The following CEP83 variants were observed in gnomAD, a reference collection of about 807,000 sequenced individuals.
CEP83 encodes centrosomal protein of 83 kDa.
In CEP83, 70 loss-of-function variants were observed where a neutral mutation model predicts 101.9. The ratio of observed to expected loss-of-function variants is 0.69; its 90% CI spans 0.57 to 0.84. The LOEUF (loss-of-function observed/expected upper bound fraction) is 0.84, where lower values mean the gene tolerates loss of function less well. Ranked by LOEUF, CEP83 falls within the 40% of genes least tolerant of loss-of-function variation. The pLI is 0.00. For synonymous variants in CEP83, 264 were observed against 267.9 expected (o/e 0.99, Z 0.14); for missense variants, 715 against 787.2 (o/e 0.91, Z 1.10).
At chr12:94,417,530 T>G (rs1021260168) in intron 2 of CEP83, among the ~76,000 whole-genome samples, 5 of 152,156 alleles carry the variant, frequency 3.3e-5, no homozygotes, top group African/African-American at 4.8e-5. Context: ...GGCTTACACC[T>G]GTAATCCCAG....
chr12:94,397,965 G>A (rs757284499), intron 6 of CEP83, among the ~76,000 whole-genome samples: 1 of 152,126 alleles, frequency 6.6e-6, no homozygotes, highest in Non-Finnish European at 1.5e-5. Context: ...GGTCACCTTC[G>A]AATGGGTAAG....
At chr12:94,288,766 C>T in the CEP83 span, among the ~76,000 whole-genome samples, 8 of 152,252 alleles carry the variant, frequency 5.3e-5, no homozygotes, top group Admixed American at 2.6e-4. Flanking sequence ...ACGATACTGA[C>T]GGAGGGAGAG....
chr12:94,370,870 C>T (rs1323879011), intron 8 of CEP83, among the ~76,000 whole-genome samples: 1 of 152,024 alleles, frequency 6.6e-6, no homozygotes, highest in Admixed American at 6.6e-5. Context: ...CCCTTAGTCC[C>T]AGCCACTGGG....
At chr12:94,404,197 A>T (rs1020466365) in intron 4 of CEP83, among the ~76,000 whole-genome samples, 2 of 152,170 alleles carry the variant, frequency 1.3e-5, no homozygotes, top group African/African-American at 4.8e-5. Context: ...ATCTCCCCAT[A>T]AAAACTTCAA....
intron 11 of CEP83, among the ~76,000 whole-genome samples, chr12:94,342,846 G>C (rs2059745134): frequency 6.6e-6 from 1 of 150,656 alleles, no homozygotes; most frequent in Non-Finnish European, 1.5e-5. Context: ...ACTTAAAATA[G>C]AACTGCTATG....
At chr12:94,343,308 G>A (rs1392803315) in intron 11 of CEP83, among the ~76,000 whole-genome samples, 5 of 151,936 alleles carry the variant, frequency 3.3e-5, no homozygotes, top group East Asian at 1.9e-4. Context: ...GGTCAGCACC[G>A]TGAGACTGTC....
chr12:94,271,587 C>A, the CEP83 span, among the ~76,000 whole-genome samples: 1 of 152,206 alleles, frequency 6.6e-6, no homozygotes, highest in African/African-American at 2.4e-5. Context: ...AGCCACTTTA[C>A]TCTGGGCAAG....
the CEP83 span, chr12:94,300,937 C>A: frequency 6.2e-7 from 1 of 1,613,022 alleles, no homozygotes; most frequent in South Asian, 1.1e-5. Context: ...GGGTAAACAT[C>A]CTGAAGAACC....
chr12:94,440,225 T>C lies in CEP83; in HGVS notation c.-154-4898A>G, dbSNP rs546632360. ...AGAAAGAAATCAAGAGCATCCAAAGTGGTAAAGATGAAGTCAAAGTGTTGC... is the reference window on the plus strand; with the variant it reads ...AGAAAGAAATCAAGAGCATCCAAAGCGGTAAAGATGAAGTCAAAGTGTTGC... On this transcript the variant is annotated intron_variant, in intron 1 of 16. Coordinates refer to ENST00000397809, the MANE Select transcript of CEP83 (RefSeq NM_016122.3). 3.3e-5 allele frequency among the ~76,000 whole-genome samples: 5 copies of C among 152,160 alleles called. No individual in the cohort carries two copies. In the South Asian group the frequency reaches 1.0e-3, roughly 32 times the overall value.
chr12:94,294,215 T>C, the CEP83 span, among the ~76,000 whole-genome samples: 10 of 152,204 alleles, frequency 6.6e-5, no homozygotes, highest in African/African-American at 9.7e-5. Flanking sequence ...CACAGGGTCC[T>C]GGCCTCCACC....
intron 14 of CEP83, among the ~76,000 whole-genome samples, chr12:94,324,583 G>A (rs1281409976): frequency 2.6e-5 from 4 of 152,130 alleles, no homozygotes; most frequent in Admixed American, 6.5e-5. Flanking sequence ...TATCAATTTC[G>A]TAATCTTTTT....
chr12:94,276,428 G>T, the CEP83 span, among the ~76,000 whole-genome samples: 9,133 of 151,568 alleles, frequency 0.06, 319 homozygotes, highest in Admixed American at 0.067. Context: ...AGCTAAGCCA[G>T]GGTTTCTGGA....
chr12:94,449,742 C>A (rs557688418), intron 1 of CEP83, among the ~76,000 whole-genome samples: 2 of 126,716 alleles, frequency 1.6e-5, no homozygotes, highest in Admixed American at 9.9e-5. Flanking sequence ...CACTGCACTT[C>A]AGCCTGGGTC....
At chr12:94,372,542 A>C (rs2061352071) in intron 8 of CEP83, among the ~76,000 whole-genome samples, 2 of 152,242 alleles carry the variant, frequency 1.3e-5, no homozygotes, top group Admixed American at 1.3e-4. Context: ...TAAGAATGAC[A>C]CAGCATTTCA....
intron 1 of CEP83, among the ~76,000 whole-genome samples, chr12:94,455,055 A>G (rs187815064): frequency 1.3e-5 from 2 of 152,272 alleles, no homozygotes; most frequent in African/African-American, 2.4e-5. Flanking sequence ...AAGAACTGCA[A>G]CATTCACCAC....
At chr12:94,352,964 G>A (rs1352746608) in intron 11 of CEP83, among the ~76,000 whole-genome samples, 1 of 152,108 alleles carries the variant, frequency 6.6e-6, no homozygotes, top group African/African-American at 2.4e-5. Flanking sequence ...CCAAGTCTTA[G>A]GAGAGAGATG....
At chr12:94,407,014 C>T (rs1187891253) in intron 4 of CEP83, among the ~76,000 whole-genome samples, 1 of 150,698 alleles carries the variant, frequency 6.6e-6, no homozygotes, top group East Asian at 1.9e-4. Context: ...GAATTAATGG[C>T]AGGTTAGATA....
At chr12:94,296,635 C>T in the CEP83 span, among the ~76,000 whole-genome samples, 3 of 152,206 alleles carry the variant, frequency 2.0e-5, no homozygotes, top group Non-Finnish European at 2.9e-5. Flanking sequence ...TACCTTTGGA[C>T]CTTCCTGCAA....
chr12:94,284,967 C>T, the CEP83 span, among the ~76,000 whole-genome samples: 1 of 152,158 alleles, frequency 6.6e-6, no homozygotes, highest in Non-Finnish European at 1.5e-5. Flanking sequence ...CTGTGGATTT[C>T]TGGTGAGGAT....
Sources: allele counts gnomAD v4.1 joint callset (sites outside exome capture counted in the v4.1 genomes callset), GRCh38; gene constraint gnomAD v4.1.1; transcripts MANE v1.5; gene names NCBI Gene and HGNC (gene_info 2026-07-23, HGNC 2026-07-21).